OPHN1: variants seen among roughly 807,000 people sequenced by gnomAD.
OPHN1 encodes the protein oligophrenin 1.
OPHN1 carries 11 observed loss-of-function variants against 60.7 expected under a neutral mutation model. That is an observed-to-expected ratio of 0.18 (90% CI 0.11 to 0.30). The LOEUF (loss-of-function observed/expected upper bound fraction) is 0.30, where lower values mean the gene tolerates loss of function less well. Ranked by LOEUF, OPHN1 falls within the 10% of genes least tolerant of loss-of-function variation. The pLI is 1.00. For synonymous variants in OPHN1, 226 were observed against 222.6 expected (o/e 1.02, Z -0.14); for missense variants, 449 against 611.0 (o/e 0.73, Z 2.80).
chrX:68,262,433 A>T (rs1409543881), intron 5 of OPHN1, among the ~76,000 whole-genome samples: 2 of 112,129 alleles, frequency 1.8e-5, no homozygotes, highest in Admixed American at 1.9e-4. Flanking sequence ...AAAAGTAAGG[A>T]TTGTGAAATA....
intron 19 of OPHN1, among the ~76,000 whole-genome samples, chrX:68,086,265 G>A (rs2076995406): frequency 9.1e-6 from 1 of 110,051 alleles, no homozygotes; most frequent in African/African-American, 3.3e-5. Flanking sequence ...AATACTAGGT[G>A]GCACAGGATG....
At chrX:68,063,508 G>A (rs1225124834) in intron 21 of OPHN1, among the ~76,000 whole-genome samples, 1 of 105,693 alleles carries the variant, frequency 9.5e-6, no homozygotes, top group Non-Finnish European at 1.9e-5. Context: ...GTGACAGAGT[G>A]AGACTCCGTC....
chrX:68,198,299 C>T (rs1028646382), intron 11 of OPHN1, among the ~76,000 whole-genome samples: 5 of 111,221 alleles, frequency 4.5e-5, no homozygotes, highest in African/African-American at 9.8e-5. Context: ...TATGAGGACA[C>T]GGTGTTGGTG....
intron 15 of OPHN1, among the ~76,000 whole-genome samples, chrX:68,140,140 C>T (rs111762597): frequency 2.7e-4 from 30 of 111,891 alleles, no homozygotes; most frequent in African/African-American, 9.4e-4. Flanking sequence ...ATGATGAAGG[C>T]ATGAAGGAGG....
At position 68,105,068 on chromosome X, in the gene OPHN1, A is replaced by G. The variant is rs1371027066; in HGVS notation, c.1526+6786T>C. 6.2e-5 allele frequency among the ~76,000 whole-genome samples: 7 copies of G among 112,465 alleles called. No homozygotes were observed. In the Admixed American group the frequency reaches 6.6e-4, roughly 11 times the overall value. On this transcript the variant is annotated intron_variant, in intron 18 of 24. Coordinates refer to ENST00000355520, the MANE Select transcript of OPHN1 (RefSeq NM_002547.3). ...AACATATGAAAGAAAGCTCATCATCATTAGTCATTAGAGAAATGCAAATCA... is the reference window on the plus strand; with the variant it reads ...AACATATGAAAGAAAGCTCATCATCGTTAGTCATTAGAGAAATGCAAATCA...
chrX:68,056,962 C>G (rs757262517), intron 21 of OPHN1, among the ~76,000 whole-genome samples: 43 of 111,876 alleles, frequency 3.8e-4, no homozygotes, highest in African/African-American at 1.2e-3. Context: ...CTTTATTGAA[C>G]AGTTGTTCTG....
At chrX:68,185,383 G>A (rs2147444145) in intron 15 of OPHN1, among the ~76,000 whole-genome samples, 1 of 111,834 alleles carries the variant, frequency 8.9e-6, no homozygotes, top group East Asian at 2.8e-4. Context: ...CATCCACTAT[G>A]CTGAATACCA....
In OPHN1 at chrX:68,063,930, T is replaced by G; in HGVS notation, c.2082A>C (p.Pro694=). Residue 694 remains proline, a synonymous_variant, in exon 21 of 25, where the codon CCA becomes CCC. Coordinates refer to ENST00000355520, the MANE Select transcript of OPHN1 (RefSeq NM_002547.3). ...ITPKATNGPM[P]GSGPTKTPSF... is the part of the protein sequence containing the mutation. ...AGGGGGTCTTGGTGGGCCCAGAGCC[T>G]GGCATGGGTCCATTGGTGGCCTTTG... 2.5e-6 allele frequency: 3 copies of G among 1,200,948 alleles called. No homozygotes were observed. The highest frequency in any genetic ancestry group is 2.2e-6 in the Non-Finnish European group (2 of 889,362).
Position 68,074,148 on chromosome X carries a change from C to G in OPHN1, c.1687-849G>C, listed in dbSNP as rs147706822. 5.6e-3 allele frequency among the ~76,000 whole-genome samples: 620 copies of G among 111,553 alleles called. 6 individuals carry two copies. The highest frequency in any genetic ancestry group is 0.019 in the African/African-American group (575 of 30,657). The stretch of plus-strand genomic sequence containing the variant: ...GGAGACCACTGTCTAGCCAGTGAGA[C>G]TAACAAAATCAACCCCAGTGATTAG... On this transcript the variant is annotated intron_variant, in intron 19 of 24. Coordinates refer to ENST00000355520, the MANE Select transcript of OPHN1 (RefSeq NM_002547.3).
At position 68,109,698 on chromosome X, in the gene OPHN1, G is replaced by A. The variant is rs1030036260; in HGVS notation, c.1526+2156C>T. ...TCCTCTTTTTTCTTACAAAAGAAAAGCTAGCATATTATAAACCTTGTTTTA... is the reference window on the plus strand; with the variant it reads ...TCCTCTTTTTTCTTACAAAAGAAAAACTAGCATATTATAAACCTTGTTTTA... On this transcript the variant is annotated intron_variant, in intron 18 of 24. Transcript: ENST00000355520. Among the ~76,000 whole-genome samples the A allele has an allele frequency of 3.0e-4, 33 of 111,305 alleles. 1 individual carries two copies. The Admixed American group carries it at 3.1e-3, about 10-fold the overall frequency.
intron 24 of OPHN1, among the ~76,000 whole-genome samples, chrX:68,047,479 G>A (rs1424146810): frequency 1.8e-5 from 2 of 111,563 alleles, no homozygotes; most frequent in African/African-American, 3.3e-5. Flanking sequence ...TGCCTTTATG[G>A]TCATACAATA....
At chrX:68,393,691 T>C (rs1020901432) in intron 2 of OPHN1, among the ~76,000 whole-genome samples, 3 of 110,226 alleles carry the variant, frequency 2.7e-5, no homozygotes, top group Non-Finnish European at 5.7e-5. Context: ...CTTCCTAATT[T>C]TGTATCATAT....
intron 5 of OPHN1, among the ~76,000 whole-genome samples, chrX:68,269,404 A>C (rs1352894121): frequency 9.0e-6 from 1 of 111,510 alleles, no homozygotes; most frequent in African/African-American, 3.3e-5. Flanking sequence ...AGACCAATGG[A>C]ACAGAACAGA....
Position 68,223,606 on chromosome X carries a change from C to T in OPHN1, c.487-9634G>A, listed in dbSNP as rs184328964. On this transcript the variant is annotated intron_variant, in intron 6 of 24. Coordinates refer to ENST00000355520, the MANE Select transcript of OPHN1 (RefSeq NM_002547.3). ...ATTGTTCGGTATAATGTACACTATT[C>T]GGGTGACAGGTACACTAAAAGCCCA... Among the ~76,000 whole-genome samples the T allele has an allele frequency of 3.6e-3, 402 of 110,934 alleles. 1 individual carries two copies. The highest frequency in any genetic ancestry group is 5.8e-3 in the Non-Finnish European group (308 of 52,991).
At chrX:68,109,778 C>T (rs1419867025) in intron 18 of OPHN1, among the ~76,000 whole-genome samples, 4 of 111,123 alleles carry the variant, frequency 3.6e-5, no homozygotes, top group Admixed American at 1.9e-4. Context: ...TGTAATATAT[C>T]CCAGAAAATC....
At chrX:68,335,680 G>A (rs906126453) in intron 2 of OPHN1, among the ~76,000 whole-genome samples, 1 of 111,725 alleles carries the variant, frequency 9.0e-6, no homozygotes, top group Non-Finnish European at 1.9e-5. Flanking sequence ...TGTAAAATCA[G>A]CACTTTGGGA....
intron 18 of OPHN1, among the ~76,000 whole-genome samples, chrX:68,098,625 T>C (rs1419438392): frequency 8.9e-6 from 1 of 112,165 alleles, no homozygotes; most frequent in Non-Finnish European, 1.9e-5. Flanking sequence ...TCATAGCTTT[T>C]GATATTGCTG....
chrX:68,283,766 C>T (rs1474388623), intron 3 of OPHN1, among the ~76,000 whole-genome samples: 1 of 112,086 alleles, frequency 8.9e-6, no homozygotes, highest in Non-Finnish European at 1.9e-5. Flanking sequence ...TCTCGACTGG[C>T]ATCTGAATGA....
At chrX:68,067,503 G>A (rs1187680144) in intron 20 of OPHN1, among the ~76,000 whole-genome samples, 1 of 110,558 alleles carries the variant, frequency 9.0e-6, no homozygotes, top group Non-Finnish European at 1.9e-5. Context: ...TGTGGGTGGG[G>A]AGAAGTGGCA....
Sources: gnomAD v4.1 joint callset for allele counts (sites outside exome capture counted in the v4.1 genomes callset) on GRCh38, gnomAD v4.1.1 for gene constraint, MANE v1.5 for transcripts, NCBI Gene and HGNC (gene_info 2026-07-23, HGNC 2026-07-21) for gene names.